GABRA4: variants seen among roughly 807,000 people sequenced by gnomAD.
GABRA4 encodes the protein gamma-aminobutyric acid receptor subunit alpha-4.
Under a neutral mutation model 49.7 loss-of-function variants are expected in GABRA4, and 12 were observed. The ratio of observed to expected loss-of-function variants is 0.24; its 90% CI spans 0.15 to 0.39. The LOEUF (loss-of-function observed/expected upper bound fraction) is 0.39, where lower values mean the gene tolerates loss of function less well. Among genes scored for constraint, GABRA4 ranks in the 10% least tolerant of loss-of-function variants. The probability of loss-of-function intolerance (pLI) is 1.00; values close to 1 mark genes in which losing one functional copy is unlikely to be tolerated. For synonymous variants in GABRA4, 288 were observed against 240.2 expected (o/e 1.20, Z -1.84); for missense variants, 506 against 686.0 (o/e 0.74, Z 2.93).
At chr4:46,979,519 G>T (rs2109396535) in intron 2 of GABRA4, among the ~76,000 whole-genome samples, 1 of 152,146 alleles carries the variant, frequency 6.6e-6, no homozygotes, top group East Asian at 1.9e-4. Context: ...CAGCTGTAAG[G>T]AATGTATCCT....
At chr4:46,987,241 T>A (rs1436099667) in intron 2 of GABRA4, among the ~76,000 whole-genome samples, 1 of 152,090 alleles carries the variant, frequency 6.6e-6, no homozygotes, top group African/African-American at 2.4e-5. Context: ...CCACTTTACA[T>A]GTTTGCACTT....
chr4:46,970,213 A>T (rs1271635516), intron 7 of GABRA4, among the ~76,000 whole-genome samples: 2 of 151,418 alleles, frequency 1.3e-5, no homozygotes, highest in Admixed American at 1.3e-4. Flanking sequence ...CTATTGTGTG[A>T]TAAAGGATAT....
intron 6 of GABRA4, among the ~76,000 whole-genome samples, chr4:46,973,340 C>A (rs943341858): frequency 6.6e-6 from 1 of 151,602 alleles, no homozygotes; most frequent in Non-Finnish European, 1.5e-5. Flanking sequence ...ATAAAAGAGG[C>A]CCCAGTGTGA....
chr4:46,988,761 G>A (rs1367860318), intron 2 of GABRA4, among the ~76,000 whole-genome samples: 1 of 152,174 alleles, frequency 6.6e-6, no homozygotes, highest in African/African-American at 2.4e-5. Flanking sequence ...AAGGTATGTT[G>A]AGGAAATTTG....
chr4:46,990,819 T>A (rs1043205402), intron 2 of GABRA4, among the ~76,000 whole-genome samples: 2 of 152,196 alleles, frequency 1.3e-5, no homozygotes, highest in East Asian at 3.9e-4. Context: ...AGGCAACCTA[T>A]CCCTGGAGAG....
At chr4:46,934,595 C>CA (rs753646243) in intron 8 of GABRA4, among the ~76,000 whole-genome samples, 1 of 152,116 alleles carries the variant, frequency 6.6e-6, no homozygotes, top group African/African-American at 2.4e-5. Context: ...ATACTACTTT[C>CA]AATATCAGGC....
At chr4:46,957,989 CTTA>C (rs1477541272) in intron 8 of GABRA4, among the ~76,000 whole-genome samples, 2 of 151,730 alleles carry the variant, frequency 1.3e-5, no homozygotes, top group South Asian at 2.1e-4. Flanking sequence ...CTATATTGGG[CTTA>C]TTATCTTCTG....
intron 8 of GABRA4, among the ~76,000 whole-genome samples, chr4:46,946,139 T>A (rs1363464515): frequency 2.0e-5 from 3 of 152,182 alleles, no homozygotes; most frequent in African/African-American, 4.8e-5. Flanking sequence ...TTTAATCTCA[T>A]GTAACTGGCT....
chr4:46,952,744 G>A (rs1168363504), intron 8 of GABRA4, among the ~76,000 whole-genome samples: 1 of 152,054 alleles, frequency 6.6e-6, no homozygotes, highest in Non-Finnish European at 1.5e-5. Flanking sequence ...GTTGAGGAAA[G>A]TTGTTTAAAG....
chr4:46,986,277 G>A (rs551990908), intron 2 of GABRA4, among the ~76,000 whole-genome samples: 6 of 151,698 alleles, frequency 4.0e-5, no homozygotes, highest in African/African-American at 7.3e-5. Context: ...ATTCTCTCTC[G>A]AATGCACTCA....
At chr4:46,929,362 T>C (rs1275968981) in intron 8 of GABRA4, among the ~76,000 whole-genome samples, 1 of 152,038 alleles carries the variant, frequency 6.6e-6, no homozygotes, top group Non-Finnish European at 1.5e-5. Flanking sequence ...ACATATTTTA[T>C]TTTTCACTTC....
chr4:46,956,313 G>C (rs577264104), intron 8 of GABRA4, among the ~76,000 whole-genome samples: 2 of 152,012 alleles, frequency 1.3e-5, no homozygotes, highest in African/African-American at 4.8e-5. Flanking sequence ...CCAAAACCAA[G>C]TTTAAAAATG....
chr4:46,937,744 C>T (rs546718865), intron 8 of GABRA4, among the ~76,000 whole-genome samples: 48 of 152,176 alleles, frequency 3.2e-4, no homozygotes, highest in Non-Finnish European at 6.0e-4. Flanking sequence ...AAGATTCCTC[C>T]AGGTAACTCT....
At chr4:46,966,646 A>AT (rs1722762561) in intron 7 of GABRA4, among the ~76,000 whole-genome samples, 1 of 151,566 alleles carries the variant, frequency 6.6e-6, no homozygotes. Flanking sequence ...ATAAAAACTC[A>AT]TTTTTCCAGT....
chr4:46,959,898 C>T lies in GABRA4; in HGVS notation c.1134+5072G>A, dbSNP rs187570855. Among the ~76,000 whole-genome samples the T allele has an allele frequency of 1.1e-4, 17 of 150,180 alleles. No individual in the cohort carries two copies. The Admixed American group carries it at 1.1e-3, about 10-fold the overall frequency. On this transcript the variant is annotated intron_variant, in intron 8 of 8. Coordinates refer to ENST00000264318, the MANE Select transcript of GABRA4 (RefSeq NM_000809.4). Reference sequence around the variant, plus strand: ...TCCAAAACTGGAATACGTGGACCTACAGCAATCCTGGCATTGAGGAGTGTT... The same window carrying T: ...TCCAAAACTGGAATACGTGGACCTATAGCAATCCTGGCATTGAGGAGTGTT...
chr4:46,989,646 C>T (rs1422855037), intron 2 of GABRA4, among the ~76,000 whole-genome samples: 4 of 152,236 alleles, frequency 2.6e-5, no homozygotes, highest in Admixed American at 2.0e-4. Flanking sequence ...TCTATTTCAA[C>T]CCCTGCCTGG....
In GABRA4 at chr4:46,928,234, A is replaced by T. The variant is rs1721301895; in HGVS notation, c.1656T>A (p.Ser552Arg). ...TACTATAGCAACGAAATTACATTAG[A>T]CTTTCTGATTTCTCCATAGTGTCCT... ...LSKDTMEKSE[S>R]LM is the part of the protein sequence containing the mutation. Residue 552 changes from serine to arginine, a missense_variant, in exon 9 of 9, where the codon AGT becomes AGA. Coordinates refer to ENST00000264318, the MANE Select transcript of GABRA4 (RefSeq NM_000809.4). 8 of 1,605,640 alleles carry T rather than the reference A, an allele frequency of 5.0e-6. No homozygotes were observed.
chr4:46,932,690 A>T (rs548712135), intron 8 of GABRA4, among the ~76,000 whole-genome samples: 17 of 152,158 alleles, frequency 1.1e-4, no homozygotes, highest in Non-Finnish European at 2.1e-4. Context: ...AGTACAAAAG[A>T]TCATGAAAGG....
intron 8 of GABRA4, among the ~76,000 whole-genome samples, chr4:46,939,374 G>A (rs528327033): frequency 6.6e-6 from 1 of 151,720 alleles, no homozygotes; most frequent in Non-Finnish European, 1.5e-5. Context: ...CCTTAATATG[G>A]GCCAGGCACT....
Sources: allele counts gnomAD v4.1 joint callset (sites outside exome capture counted in the v4.1 genomes callset), GRCh38; gene constraint gnomAD v4.1.1; transcripts MANE v1.5; gene names NCBI Gene and HGNC (gene_info 2026-07-23, HGNC 2026-07-21).